Variants in API5 observed in about 807,000 individuals in gnomAD.
API5 encodes the protein FIF.
A neutral mutation model predicts 71.9 loss-of-function variants in API5; 6 were observed. The ratio of observed to expected loss-of-function variants is 0.08; its 90% CI spans 0.05 to 0.16. The LOEUF is 0.16. Among genes scored for constraint, API5 ranks in the 10% least tolerant of loss-of-function variants. The probability of loss-of-function intolerance (pLI) is 1.00; values close to 1 mark genes in which losing one functional copy is unlikely to be tolerated. For missense variants in API5, 332 were observed against 612.8 expected, an observed-to-expected ratio of 0.54 and a Z score of 4.84; for synonymous variants, 189 against 221.3, an observed-to-expected ratio of 0.85 and a Z score of 1.30.
At chr11:43,317,718 C>T (rs1212724022) in intron 1 of API5, among the ~76,000 whole-genome samples, 1 of 152,190 alleles carries the variant, frequency 6.6e-6, no homozygotes, top group Admixed American at 6.5e-5. Flanking sequence ...CATTCTGTCA[C>T]CCAATCTGGA....
intron 1 of API5, among the ~76,000 whole-genome samples, chr11:43,316,702 T>C (rs1175058462): frequency 2.0e-5 from 3 of 152,154 alleles, no homozygotes; most frequent in Non-Finnish European, 1.5e-5. Flanking sequence ...TACCACAGCC[T>C]CTAACTCCTG....
chr11:43,324,606 T>C (rs1015757937), intron 6 of API5, among the ~76,000 whole-genome samples: 1 of 152,076 alleles, frequency 6.6e-6, no homozygotes, highest in African/African-American at 2.4e-5. Flanking sequence ...AATTAAGTAA[T>C]AGAATTATCC....
In API5 at chr11:43,311,997, T is replaced by A; in HGVS notation, c.-131T>A. The A allele has an allele frequency of 9.5e-7, 1 of 1,048,150 alleles. No individual in the cohort carries two copies. 64.9% of individuals were successfully genotyped at this position (1,048,150 alleles called of 1,614,324 possible). ...GGGGGCGCAGCCGCGCTGTGCGCGG[T>A]GACTGGCGGCTGCACTGGCGGCAGC... On this transcript the variant is annotated 5_prime_UTR_variant, in exon 1 of 14. Transcript: ENST00000531273.
At chr11:43,322,383 TAAA>T (rs1372531004) in intron 5 of API5, among the ~76,000 whole-genome samples, 2 of 152,214 alleles carry the variant, frequency 1.3e-5, no homozygotes, top group Non-Finnish European at 2.9e-5. Flanking sequence ...GTAGTGTCCT[TAAA>T]ATTTGTGCAA....
intron 13 of API5, among the ~76,000 whole-genome samples, chr11:43,338,966 C>T (rs781670248): frequency 9.9e-5 from 15 of 152,146 alleles, no homozygotes; most frequent in Non-Finnish European, 8.8e-5. Flanking sequence ...ACTGCACTAC[C>T]TTAATGCTCC....
In API5 at chr11:43,321,399, T is replaced by G; in HGVS notation, c.326-12T>G. ...TGTTTTATATTCATTATGCCACTTT[T>G]TCTTTATCCAGATGACTCTGCAGAA... On this transcript the variant is annotated splice_polypyrimidine_tract_variant and intron_variant, in intron 3 of 13. Transcript: ENST00000531273. 6.3e-7 allele frequency: 1 copy of G among 1,598,062 alleles called. No individual in the cohort carries two copies. The highest frequency in any genetic ancestry group is 8.5e-7 in the Non-Finnish European group (1 of 1,171,330).
At chr11:43,325,772 A>G (rs1590361804) in intron 6 of API5, among the ~76,000 whole-genome samples, 1 of 152,324 alleles carries the variant, frequency 6.6e-6, no homozygotes, top group East Asian at 1.9e-4. Context: ...AATGGCTGCC[A>G]GGAAGTGAAA....
chr11:43,331,674 G>A (rs766723637), intron 11 of API5, among the ~76,000 whole-genome samples: 40 of 152,206 alleles, frequency 2.6e-4, no homozygotes, highest in Non-Finnish European at 3.1e-4. Flanking sequence ...AAGAATCTGC[G>A]TATAAGTGAG....
At chr11:43,338,837 C>T (rs951751576) in intron 13 of API5, among the ~76,000 whole-genome samples, 6 of 151,916 alleles carry the variant, frequency 3.9e-5, no homozygotes, top group Non-Finnish European at 8.8e-5. Flanking sequence ...GTATCTATGA[C>T]AGTGTTAAGT....
chr11:43,321,045 A>G, intron 3 of API5, 131 bp downstream of exon 3: 2 of 710,268 alleles, frequency 2.8e-6, no homozygotes, highest in Non-Finnish European at 4.7e-6. Flanking sequence ...TAAATTTCCT[A>G]CTTTCATTCA....
At chr11:43,333,256 C>G (rs1448153815) in intron 11 of API5, among the ~76,000 whole-genome samples, 2 of 152,124 alleles carry the variant, frequency 1.3e-5, no homozygotes, top group African/African-American at 4.8e-5. Flanking sequence ...CAAACCCTCC[C>G]CTATACTTTA....
At chr11:43,318,410 C>G in intron 1 of API5, 1 of 1,529,414 alleles carries the variant, frequency 6.5e-7, no homozygotes, top group Non-Finnish European at 8.7e-7. Context: ...GCTTTTTCCA[C>G]TTAAAATTAG....
intron 9 of API5, 62 bp from the exon 10 acceptor site, chr11:43,329,903 A>AT: frequency 7.1e-7 from 1 of 1,411,178 alleles, no homozygotes; most frequent in Non-Finnish European, 1.0e-6. Flanking sequence ...GTAGTATAAG[A>AT]TTGAGTTTAA....
chr11:43,325,378 T>G (rs1271223407), intron 6 of API5, among the ~76,000 whole-genome samples: 1 of 152,230 alleles, frequency 6.6e-6, no homozygotes, highest in Non-Finnish European at 1.5e-5. Context: ...ATCAACAGTT[T>G]ACAAATGGAT....
intron 13 of API5, chr11:43,336,359 C>A (rs1855433763): frequency 3.5e-6 from 1 of 286,722 alleles, no homozygotes; most frequent in Non-Finnish European, 6.5e-6. Context: ...GGTATAGCTT[C>A]TGAGAGATAG....
chr11:43,320,432 GT>G (rs1300321609), intron 2 of API5, among the ~76,000 whole-genome samples: 1 of 151,902 alleles, frequency 6.6e-6, no homozygotes, highest in Non-Finnish European at 1.5e-5. Context: ...CTTCTCTGTG[GT>G]TTTAGTTTTC....
At chr11:43,312,266 A>C (rs1367292504) in intron 1 of API5, 70 bp downstream of exon 1, 2 of 1,528,434 alleles carry the variant, frequency 1.3e-6, no homozygotes. Context: ...TTCCCGCCGC[A>C]CTCCCCGGGC....
intron 1 of API5, among the ~76,000 whole-genome samples, chr11:43,318,008 T>TG (rs10699210): frequency 1.0e-4 from 15 of 148,558 alleles, no homozygotes; most frequent in Non-Finnish European, 2.1e-4. Flanking sequence ...TTTGTTTGTT[T>TG]TGTTTTGTTT....
At chr11:43,329,901 A>C (rs1855197050) in intron 9 of API5, 64 bp from the exon 10 acceptor site, 1 of 1,368,306 alleles carries the variant, frequency 7.3e-7, no homozygotes, top group South Asian at 1.2e-5. Context: ...CTGTAGTATA[A>C]GATTGAGTTT....
Sources: allele counts gnomAD v4.1 joint callset (sites outside exome capture counted in the v4.1 genomes callset), GRCh38; gene constraint gnomAD v4.1.1; transcripts MANE v1.5; gene names NCBI Gene and HGNC (gene_info 2026-07-23, HGNC 2026-07-21).